The following SPINT2 variants were observed in gnomAD, a reference collection of about 807,000 sequenced individuals.
SPINT2 encodes the protein serine peptidase inhibitor, Kunitz type 2.
A neutral mutation model predicts 30.1 loss-of-function variants in SPINT2; 18 were observed. The ratio of observed to expected loss-of-function variants is 0.60; its 90% CI spans 0.41 to 0.89. The LOEUF (loss-of-function observed/expected upper bound fraction) is 0.89, where lower values mean the gene tolerates loss of function less well. SPINT2 is among the 40% of genes least tolerant of loss of function. SPINT2 has a pLI of 0.00. For synonymous variants in SPINT2, 139 were observed against 137.9 expected, an observed-to-expected ratio of 1.01 and a Z score of -0.05; for missense variants, 276 against 334.3, an observed-to-expected ratio of 0.83 and a Z score of 1.36.
At chr19:38,270,591 A>C (rs188117448) in intron 1 of SPINT2, among the ~76,000 whole-genome samples, 1 of 152,236 alleles carries the variant, frequency 6.6e-6, no homozygotes, top group Non-Finnish European at 1.5e-5. Flanking sequence ...AAATGGTTGC[A>C]GTTCCTAAAG....
chr19:38,286,483 G>A (rs1273944453), intron 2 of SPINT2, among the ~76,000 whole-genome samples: 1 of 152,164 alleles, frequency 6.6e-6, no homozygotes, highest in Non-Finnish European at 1.5e-5. Context: ...TAAGCGCTGT[G>A]TAAAATGTAT....
At chr19:38,269,456 A>G (rs1179772375) in intron 1 of SPINT2, among the ~76,000 whole-genome samples, 1 of 124,940 alleles carries the variant, frequency 8.0e-6, no homozygotes, top group Non-Finnish European at 1.6e-5. Flanking sequence ...CTCAGACTGG[A>G]GTGCAGTGGC....
chr19:38,291,825 C>T lies in SPINT2; in HGVS notation c.593-15C>T. The T allele has an allele frequency of 2.5e-6, 4 of 1,611,652 alleles. No homozygotes were observed. The highest frequency in any genetic ancestry group is 3.4e-6 in the Non-Finnish European group (4 of 1,179,644). ...CCTTGCCTGGCCCGTCCTGAGGCCC[C>T]TCTCTCGTCCTCAGTGGTGGTTCTG... is the stretch of plus-strand genomic sequence containing the variant. On this transcript the variant is annotated splice_polypyrimidine_tract_variant and intron_variant, in intron 6 of 6. Coordinates refer to ENST00000301244, the MANE Select transcript of SPINT2 (RefSeq NM_021102.4).
At chr19:38,283,833 CTTTTTTTTT>C (rs754820019) in intron 2 of SPINT2, 36 bp downstream of exon 2, 18,205 of 935,044 alleles carry the variant, frequency 0.019, 28 homozygotes, top group East Asian at 0.061. Flanking sequence ...TGTTTTTTTC[CTTTTTTTTT>C]TTTTTTTTTT....
chr19:38,286,389 G>C (rs1242130599), intron 2 of SPINT2, among the ~76,000 whole-genome samples: 1 of 152,228 alleles, frequency 6.6e-6, no homozygotes, highest in East Asian at 1.9e-4. Context: ...TTTGCAAGGT[G>C]ACCGTTTAAT....
At chr19:38,276,791 T>TA (rs1267119784) in intron 1 of SPINT2, among the ~76,000 whole-genome samples, 1 of 152,026 alleles carries the variant, frequency 6.6e-6, no homozygotes, top group East Asian at 1.9e-4. Flanking sequence ...GCTCTATCCA[T>TA]ATGTTTTATT....
intron 1 of SPINT2, among the ~76,000 whole-genome samples, chr19:38,276,019 G>A (rs1042311915): frequency 2.0e-5 from 3 of 152,208 alleles, no homozygotes; most frequent in East Asian, 1.9e-4. Flanking sequence ...GAGCCACCAC[G>A]CCCAGCTGAC....
rs780576881 is a variant in SPINT2 at position 38,264,715 on chromosome 19, A to G, written c.-178A>G. ...CGCGCCGAGAAGGCCGGGCGTCCCC[A>G]CACTGAAGGTCCGGAAAGGCGACTT... On this transcript the variant is annotated 5_prime_UTR_variant, in exon 1 of 7. Coordinates refer to ENST00000301244, the MANE Select transcript of SPINT2 (RefSeq NM_021102.4). The G allele has an allele frequency of 1.5e-3, 942 of 627,806 alleles. 2 individuals carry two copies. Among genetic ancestry groups the G allele is most frequent in the Non-Finnish European group, 2.1e-3 (757 of 364,892 alleles). 38.9% of individuals were successfully genotyped at this position (627,806 alleles called of 1,614,324 possible). A position where few individuals can be genotyped will look rare whatever the true frequency, so the allele number is the denominator to read the frequency against.
chr19:38,286,298 C>T (rs1228160778), intron 2 of SPINT2, among the ~76,000 whole-genome samples: 1 of 152,138 alleles, frequency 6.6e-6, no homozygotes, highest in African/African-American at 2.4e-5. Context: ...GGGCCCACGC[C>T]TTTAGTCCGC....
intron 1 of SPINT2, among the ~76,000 whole-genome samples, chr19:38,269,895 C>T (rs1285929370): frequency 6.6e-6 from 1 of 152,284 alleles, no homozygotes; most frequent in Non-Finnish European, 1.5e-5. Context: ...AGGCGTGAGC[C>T]ACCGCGCCCG....
chr19:38,276,408 C>T (rs193101107), intron 1 of SPINT2, among the ~76,000 whole-genome samples: 9 of 152,108 alleles, frequency 5.9e-5, no homozygotes, highest in East Asian at 3.9e-4. Context: ...TTCGGGAGGC[C>T]GAGGCGGGTG....
In SPINT2 at chr19:38,268,113, G is replaced by A. The variant is rs557998716; in HGVS notation, c.106+3115G>A. On this transcript the variant is annotated intron_variant, in intron 1 of 6. Transcript: ENST00000301244. ...AGATGGGGACAAAGCAGGCCCCACC[G>A]TGTGAGAGTGAGGGTTAACTCAGGG... Among the ~76,000 whole-genome samples the A allele has an allele frequency of 2.4e-3, 363 of 152,246 alleles. 1 individual carries two copies. Among genetic ancestry groups the A allele is most frequent in the Admixed American group, 3.7e-3 (57 of 15,290 alleles).
intron 1 of SPINT2, among the ~76,000 whole-genome samples, chr19:38,281,394 C>T (rs1968579779): frequency 6.6e-6 from 1 of 151,990 alleles, no homozygotes; most frequent in African/African-American, 2.4e-5. Flanking sequence ...GCTTAGGTGA[C>T]AGAGGAAGAC....
chr19:38,287,708 G>A (rs1968658948), intron 2 of SPINT2, among the ~76,000 whole-genome samples, 168 bp from the exon 3 acceptor site: 1 of 152,208 alleles, frequency 6.6e-6, no homozygotes, highest in African/African-American at 2.4e-5. Context: ...TCTTCGGGAG[G>A]CAATCTTGGT....
chr19:38,289,289 C>T (rs1968682205), intron 4 of SPINT2, 98 bp downstream of exon 4: 1 of 1,038,292 alleles, frequency 9.6e-7, no homozygotes, highest in South Asian at 1.3e-5. Flanking sequence ...GATATCAAGA[C>T]CATCCTAACA....
At position 38,290,446 on chromosome 19, in the gene SPINT2, C is replaced by T; in HGVS notation, c.554-91C>T. The T allele has an allele frequency of 1.9e-6, 3 of 1,607,320 alleles. No homozygotes were observed. The South Asian group carries it at 3.3e-5, about 18-fold the overall frequency. ...GGAAGAAAGCCCCTCAGAAAGAGCT[C>T]CCCATGGAGGCCCTGGCTGAGGGGA... On this transcript the variant is annotated intron_variant, in intron 5 of 6. Coordinates refer to ENST00000301244, the MANE Select transcript of SPINT2 (RefSeq NM_021102.4). This position sits in a 1 kb window ranked among gnomAD's most constrained non-coding sequence, Gnocchi z 4.3.
intron 1 of SPINT2, among the ~76,000 whole-genome samples, chr19:38,268,382 C>T (rs929898224): frequency 9.9e-5 from 15 of 152,276 alleles, no homozygotes; most frequent in African/African-American, 3.6e-4. Flanking sequence ...AAACTGTCCA[C>T]TCCCAGGAAG....
In SPINT2 at chr19:38,291,962, G is replaced by A. The variant is rs143567268; in HGVS notation, c.715G>A (p.Gly239Arg). ...TGCCCTGCGCACCGTCTGGAGCTCC[G>A]GAGATGACAAGGAGCAGCTGGTGAA... The part of the protein sequence containing the change: ...ERALRTVWSS[G>R]DDKEQLVKNT... The change falls in exon 7 of 7, where the codon GGA becomes AGA. Residue 239 changes from glycine to arginine, a missense_variant. Transcript: ENST00000301244. 1.5e-3 allele frequency: 2,389 copies of A among 1,614,074 alleles called. 8 individuals are homozygous for A. Among genetic ancestry groups the A allele is most frequent in the South Asian group, 3.6e-3 (329 of 91,056 alleles).
chr19:38,289,734 G>A (rs539099835), intron 4 of SPINT2: 9 of 330,018 alleles, frequency 2.7e-5, no homozygotes, highest in South Asian at 8.1e-5. Context: ...GCGTAGCCTG[G>A]CACGTGGCTC....
Sources: gnomAD v4.1 joint callset for allele counts (sites outside exome capture counted in the v4.1 genomes callset) on GRCh38, gnomAD v4.1.1 for gene constraint, Gnocchi (gnomAD v3.1) non-coding constraint, MANE v1.5 for transcripts, NCBI Gene and HGNC (gene_info 2026-07-23, HGNC 2026-07-21) for gene names.